Variants in TTLL5 observed in about 807,000 individuals in gnomAD.
TTLL5 encodes the protein tubulin polyglutamylase TTLL5.
Under a neutral mutation model 168.4 loss-of-function variants are expected in TTLL5, and 132 were observed. The observed-to-expected ratio is 0.78, with a 90% CI of 0.68 to 0.91. TTLL5 has a LOEUF of 0.91. Among genes scored for constraint, TTLL5 ranks in the 40% least tolerant of loss-of-function variants. The pLI is 0.00. For missense variants in TTLL5, 1,545 were observed against 1,581.5 expected (o/e 0.98, Z 0.39); for synonymous variants, 546 against 558.6 (o/e 0.98, Z 0.32).
intron 21 of TTLL5, among the ~76,000 whole-genome samples, chr14:75,773,132 G>T (rs1337903200): frequency 6.6e-6 from 1 of 152,158 alleles, no homozygotes; most frequent in Non-Finnish European, 1.5e-5. Flanking sequence ...AAACATGTTG[G>T]TTATCCCAGA....
chr14:75,840,016 C>A (rs12898082), intron 28 of TTLL5, among the ~76,000 whole-genome samples: 71,125 of 152,010 alleles, frequency 0.47, 20,980 homozygotes, highest in Non-Finnish European at 0.64. Context: ...CATTGAATAC[C>A]CTTTTACCCT....
chr14:75,872,411 A>G lies in TTLL5; in HGVS notation c.3522+8549A>G, dbSNP rs142790250. On this transcript the variant is annotated intron_variant, in intron 29 of 31. Transcript: ENST00000298832. ...ACATAAATAAGAAAGGCAGCATAGTATAGTGAGGTTCTTAAATCATACTCC... is the reference window on the plus strand; with the variant it reads ...ACATAAATAAGAAAGGCAGCATAGTGTAGTGAGGTTCTTAAATCATACTCC... Among the ~76,000 whole-genome samples the G allele has an allele frequency of 3.3e-3, 507 of 152,360 alleles. 4 individuals carry two copies. Among genetic ancestry groups the G allele is most frequent in the African/African-American group, 0.011 (471 of 41,594 alleles).
intron 17 of TTLL5, among the ~76,000 whole-genome samples, chr14:75,750,491 T>C (rs1472271561): frequency 6.6e-6 from 1 of 151,204 alleles, no homozygotes; most frequent in Non-Finnish European, 1.5e-5. Flanking sequence ...TCCTCCTCCT[T>C]ATGATTTTCT....
chr14:75,823,407 C>T (rs1484945855), intron 28 of TTLL5, among the ~76,000 whole-genome samples: 1 of 152,054 alleles, frequency 6.6e-6, no homozygotes, highest in Non-Finnish European at 1.5e-5. Flanking sequence ...GTGCGTTTTT[C>T]TTTGTGAGAC....
chr14:75,720,505 A>T (rs910542364), intron 11 of TTLL5, 91 bp from the exon 12 acceptor site: 2 of 980,924 alleles, frequency 2.0e-6, no homozygotes, highest in African/African-American at 3.2e-5. Context: ...ATGAGCACAC[A>T]TGCTTTTATA....
chr14:75,912,057 G>A (rs1208250935), intron 31 of TTLL5, among the ~76,000 whole-genome samples: 2 of 52,888 alleles, frequency 3.8e-5, no homozygotes, highest in Non-Finnish European at 8.2e-5. Flanking sequence ...ACAGCAGCTC[G>A]GGTTAGCCCA....
intron 31 of TTLL5, among the ~76,000 whole-genome samples, chr14:75,907,455 C>T (rs1366095599): frequency 6.6e-6 from 1 of 152,208 alleles, no homozygotes; most frequent in East Asian, 1.9e-4. Context: ...ATTAACGGCA[C>T]ACCTGCCATG....
chr14:75,785,403 C>G (rs1444528129), intron 26 of TTLL5, among the ~76,000 whole-genome samples: 1 of 152,160 alleles, frequency 6.6e-6, no homozygotes, highest in Non-Finnish European at 1.5e-5. Context: ...TGGTCTCGAT[C>G]TCTTGACCTT....
chr14:75,715,746 C>T (rs943508554), intron 9 of TTLL5, among the ~76,000 whole-genome samples: 7 of 151,780 alleles, frequency 4.6e-5, no homozygotes, highest in Non-Finnish European at 7.4e-5. Context: ...AAATCTTATC[C>T]TTGCTGGGGT....
chr14:75,787,289 C>T (rs1442791687), intron 26 of TTLL5, among the ~76,000 whole-genome samples: 1 of 151,834 alleles, frequency 6.6e-6, no homozygotes, highest in African/African-American at 2.4e-5. Context: ...GGACACAGAA[C>T]GTTTAAAAGT....
chr14:75,694,879 C>T (rs887974938), intron 6 of TTLL5, among the ~76,000 whole-genome samples: 10 of 152,080 alleles, frequency 6.6e-5, no homozygotes, highest in South Asian at 4.1e-4. Context: ...CTCTTAATCC[C>T]GTCATCTTCA....
chr14:75,735,164 C>T (rs1888803016), intron 14 of TTLL5, 31 bp from the exon 15 acceptor site: 1 of 1,604,612 alleles, frequency 6.2e-7, no homozygotes, highest in Non-Finnish European at 8.5e-7. Context: ...TAGAAAATGG[C>T]AGGTTTTAAT....
intron 7 of TTLL5, among the ~76,000 whole-genome samples, chr14:75,706,294 C>T (rs544767407): frequency 3.7e-4 from 57 of 152,178 alleles, no homozygotes; most frequent in Non-Finnish European, 3.5e-4. Flanking sequence ...TGCTGTTCCT[C>T]TACCTAAATA....
At chr14:75,915,855 T>TCCA (rs2033597085) in intron 31 of TTLL5, among the ~76,000 whole-genome samples, 1 of 151,928 alleles carries the variant, frequency 6.6e-6, no homozygotes, top group Non-Finnish European at 1.5e-5. Context: ...AAGTCGGACA[T>TCCA]GGTGGCTCCT....
chr14:75,906,067 A>G (rs564098207), intron 31 of TTLL5, among the ~76,000 whole-genome samples: 48 of 152,350 alleles, frequency 3.2e-4, no homozygotes, highest in East Asian at 2.9e-3. Flanking sequence ...ACAGCACATC[A>G]GTGTGACTCT....
intron 26 of TTLL5, among the ~76,000 whole-genome samples, 159 bp from the exon 27 acceptor site, chr14:75,792,750 AACCATTT>A (rs1325522628): frequency 6.6e-6 from 1 of 152,186 alleles, no homozygotes; most frequent in African/African-American, 2.4e-5. Flanking sequence ...AGGTTATGGT[AACCATTT>A]ATTTTTGTGA....
Position 75,748,281 on chromosome 14 carries a change from T to TA in TTLL5, c.1487+2718dup, listed in dbSNP as rs35811861. Among the ~76,000 whole-genome samples the TA allele has an allele frequency of 5.4e-3, 768 of 143,430 alleles. 3 individuals carry two copies. Among genetic ancestry groups the TA allele is most frequent in the East Asian group, 0.016 (77 of 4,948 alleles). The allele number at this position is 143,430 out of a possible 152,430, so 94.1% of individuals were successfully genotyped here. ...TTTGAATCACTTTTAAACTTTTTCT[T>TA]AAAAAAAAAAAAAAAAAAGACATGT... On this transcript the variant is annotated intron_variant, in intron 17 of 31. Coordinates refer to ENST00000298832, the MANE Select transcript of TTLL5 (RefSeq NM_015072.5).
At chr14:75,758,355 A>T (rs924334832) in intron 18 of TTLL5, among the ~76,000 whole-genome samples, 1 of 152,210 alleles carries the variant, frequency 6.6e-6, no homozygotes, top group Admixed American at 6.5e-5. Flanking sequence ...TATGATTGCC[A>T]TTTAGTTAAG....
chr14:75,889,936 A>G (rs115255488), intron 30 of TTLL5, among the ~76,000 whole-genome samples: 3,257 of 142,812 alleles, frequency 0.023, 42 homozygotes, highest in African/African-American at 0.04. Context: ...AGAAGGAAGG[A>G]AGGGAGGGAG....
Sources: allele counts gnomAD v4.1 joint callset (sites outside exome capture counted in the v4.1 genomes callset), GRCh38; gene constraint gnomAD v4.1.1; transcripts MANE v1.5; gene names NCBI Gene and HGNC (gene_info 2026-07-23, HGNC 2026-07-21).